Variants in SYT12 observed in about 807,000 individuals in gnomAD.
SYT12 encodes the protein synaptotagmin 12.
Under a neutral mutation model 39.5 loss-of-function variants are expected in SYT12, and 27 were observed. The observed-to-expected ratio is 0.68, with a 90% CI of 0.50 to 0.94. The LOEUF (loss-of-function observed/expected upper bound fraction) is 0.94, where lower values mean the gene tolerates loss of function less well. Among genes scored for constraint, SYT12 ranks in the 40% least tolerant of loss-of-function variants. SYT12 has a pLI of 0.00. For missense variants in SYT12, 536 were observed against 572.6 expected, an observed-to-expected ratio of 0.94 and a Z score of 0.65; for synonymous variants, 233 against 239.7, an observed-to-expected ratio of 0.97 and a Z score of 0.26.
chr11:67,039,010 A>T (rs908792858), intron 3 of SYT12, among the ~76,000 whole-genome samples: 7 of 150,878 alleles, frequency 4.6e-5, no homozygotes, highest in African/African-American at 1.7e-4. Flanking sequence ...ATAAATAAAT[A>T]AATAAATAGT....
intron 3 of SYT12, among the ~76,000 whole-genome samples, chr11:67,038,479 T>A (rs1196666495): frequency 2.0e-5 from 3 of 151,970 alleles, no homozygotes; most frequent in African/African-American, 7.3e-5. Context: ...AAAAAAAAAT[T>A]AATATTTGGG....
chr11:67,035,736 C>T (rs1237905940), intron 3 of SYT12, among the ~76,000 whole-genome samples: 7 of 152,016 alleles, frequency 4.6e-5, no homozygotes, highest in African/African-American at 7.2e-5. Flanking sequence ...GGATTACAGA[C>T]GTGAGCCACC....
chr11:67,045,565 G>A (rs754213924), intron 6 of SYT12, 179 bp from the exon 7 acceptor site: 15 of 886,124 alleles, frequency 1.7e-5, no homozygotes, highest in Non-Finnish European at 2.4e-5. Flanking sequence ...CGTGCTGTGT[G>A]AGCCTCAGTT....
exon 3 of SYT12, chr11:67,010,925 T>G (rs1051417947): frequency 1.3e-5 from 2 of 152,150 alleles, no homozygotes; most frequent in African/African-American, 4.8e-5. Flanking sequence ...TTCTTTCTCC[T>G]AAAGGCCTCA....
At chr11:67,020,115 G>A (rs1219714979), upstream of SYT12, among the ~76,000 whole-genome samples, 1 of 152,146 alleles carries the variant, frequency 6.6e-6, no homozygotes, top group East Asian at 1.9e-4. Context: ...TGGTCCCAAA[G>A]GTCCCAGAGG....
chr11:67,008,040 G>A (rs1486196989), intron 1 of SYT12, among the ~76,000 whole-genome samples: 18 of 148,350 alleles, frequency 1.2e-4, no homozygotes, highest in South Asian at 2.1e-4. Context: ...TGCAACCTCC[G>A]CCTCCCGGGT....
Position 67,048,888 on chromosome 11 carries a change from A to T in SYT12, c.*131A>T, listed in dbSNP as rs1854662890. ...TCCCCTGGCAGAGTCCTCATGACCCATCCTGGTCTCTCTGTCCAGATTGCA... is the reference window on the plus strand; with the variant it reads ...TCCCCTGGCAGAGTCCTCATGACCCTTCCTGGTCTCTCTGTCCAGATTGCA... On this transcript the variant is annotated 3_prime_UTR_variant, in exon 8 of 8. Transcript: ENST00000527043. 9.4e-6 allele frequency: 10 copies of T among 1,064,564 alleles called. No homozygotes were observed. The highest frequency in any genetic ancestry group is 2.6e-5 in the East Asian group (1 of 37,974). 65.9% of individuals were successfully genotyped at this position (1,064,564 alleles called of 1,614,324 possible). A position where few individuals can be genotyped will look rare whatever the true frequency, so the allele number is the denominator to read the frequency against.
In SYT12 at chr11:67,050,753, C is replaced by G. The variant is rs373218759; in HGVS notation, c.*1996C>G. 6.6e-6 allele frequency: 1 copy of G among 152,278 alleles called. No homozygotes were observed. The highest frequency in any genetic ancestry group is 1.5e-5 in the Non-Finnish European group (1 of 68,112). 9.4% of individuals were successfully genotyped at this position (152,278 alleles called of 1,614,324 possible). A position where few individuals can be genotyped will look rare whatever the true frequency, so the allele number is the denominator to read the frequency against. On this transcript the variant is annotated 3_prime_UTR_variant, in exon 8 of 8. Transcript: ENST00000527043. Reference sequence around the variant, plus strand: ...TGCCCAGGACAGCCGTGGTGGGGACCGGGTATGCCAACTGGAATGATTCTA... The same window carrying G: ...TGCCCAGGACAGCCGTGGTGGGGACGGGGTATGCCAACTGGAATGATTCTA...
At chr11:67,011,947 T>C (rs1033119952) in intron 3 of SYT12, among the ~76,000 whole-genome samples, 6 of 151,372 alleles carry the variant, frequency 4.0e-5, no homozygotes, top group Non-Finnish European at 8.8e-5. Flanking sequence ...TTATTTTTAG[T>C]AGAGACAGGG....
intron 7 of SYT12, 92 bp from the exon 8 acceptor site, chr11:67,048,491 AC>A (rs893039020): frequency 1.4e-6 from 2 of 1,413,412 alleles, no homozygotes; most frequent in African/African-American, 2.8e-5. Flanking sequence ...CTGGCACCCC[AC>A]TGGGGCCTGA....
intron 1 of SYT12, among the ~76,000 whole-genome samples, chr11:67,023,671 C>A (rs1950142287): frequency 6.6e-6 from 1 of 152,220 alleles, no homozygotes; most frequent in African/African-American, 2.4e-5. Flanking sequence ...CCGCGCAGTG[C>A]GCATCGCATC....
intron 6 of SYT12, 116 bp from the exon 7 acceptor site, chr11:67,045,628 G>A: frequency 2.2e-6 from 3 of 1,364,186 alleles, no homozygotes; most frequent in Non-Finnish European, 3.0e-6. Context: ...AGGGCTGCAG[G>A]AGGTCACAGC....
At chr11:67,039,730 C>G in intron 3 of SYT12, 81 bp from the exon 4 acceptor site, 1 of 1,498,248 alleles carries the variant, frequency 6.7e-7, no homozygotes, top group Non-Finnish European at 8.9e-7. Flanking sequence ...ATGAACAGGC[C>G]TTACTCATCT....
At chr11:67,013,390 G>C (rs1257422167) in intron 3 of SYT12, among the ~76,000 whole-genome samples, 2 of 152,138 alleles carry the variant, frequency 1.3e-5, no homozygotes, top group African/African-American at 4.8e-5. Flanking sequence ...TGGTGCTCAG[G>C]GCCTGGCAGG....
exon 2 of SYT12, chr11:67,010,102 G>A (rs1225690696): frequency 1.3e-5 from 2 of 152,330 alleles, no homozygotes; most frequent in Non-Finnish European, 2.9e-5. Flanking sequence ...GTGACAGCCG[G>A]ACAAGAAGCT....
chr11:67,043,821 A>C lies in SYT12; in HGVS notation c.805A>C (p.Ser269Arg). ...GCTTGACCTCCCGCTGCAGCCCTTCAGTGGCTGGCTCTATTTACAGGACCA... is the reference window on the plus strand; with the variant it reads ...GCTTGACCTCCCGCTGCAGCCCTTCCGTGGCTGGCTCTATTTACAGGACCA... ...SVLDLPLQPFSGWLYLQDQNK... is the reference protein window; with the variant it reads ...SVLDLPLQPFRGWLYLQDQNK... The change falls in exon 5 of 8, where the codon AGT (serine) becomes CGT (arginine). Residue 269 changes from serine to arginine, a missense_variant. Transcript: ENST00000527043. The C allele has an allele frequency of 1.2e-6, 2 of 1,614,108 alleles. No individual in the cohort carries two copies. The highest frequency in any genetic ancestry group is 1.7e-6 in the Non-Finnish European group (2 of 1,180,030).
intron 3 of SYT12, among the ~76,000 whole-genome samples, chr11:67,035,788 T>TC (rs1343088520): frequency 3.9e-4 from 52 of 132,556 alleles, no homozygotes; most frequent in Non-Finnish European, 4.7e-4. Context: ...TCTTTTCTTT[T>TC]CTTTCCTTCC....
intron 3 of SYT12, among the ~76,000 whole-genome samples, chr11:67,013,179 T>G (rs2136194043): frequency 6.6e-6 from 1 of 152,322 alleles, no homozygotes; most frequent in South Asian, 2.1e-4. Context: ...CAAAGGGGTC[T>G]TCAGGGACCA....
At chr11:67,022,107 G>A (rs1436001081), upstream of SYT12, among the ~76,000 whole-genome samples, 2 of 151,908 alleles carry the variant, frequency 1.3e-5, no homozygotes, top group Admixed American at 1.3e-4. Flanking sequence ...GTAGAGACGG[G>A]GTTTCACCGT....
Sources: allele counts gnomAD v4.1 joint callset (sites outside exome capture counted in the v4.1 genomes callset), GRCh38; gene constraint gnomAD v4.1.1; transcripts MANE v1.5; gene names NCBI Gene and HGNC (gene_info 2026-07-23, HGNC 2026-07-21).